ARID1B: variants seen among roughly 807,000 people sequenced by gnomAD.
ARID1B encodes the protein AT-rich interaction domain 1B.
A neutral mutation model predicts 212.3 loss-of-function variants in ARID1B; 30 were observed. The observed-to-expected ratio is 0.14, with a 90% CI of 0.11 to 0.19. The LOEUF (loss-of-function observed/expected upper bound fraction) is 0.19. ARID1B is among the 10% of genes least tolerant of loss of function. The pLI is 1.00. For synonymous variants in ARID1B, 1,402 were observed against 1,301.7 expected (o/e 1.08, Z -1.66); for missense variants, 2,891 against 3,204.0 (o/e 0.90, Z 2.36).
intron 4 of ARID1B, among the ~76,000 whole-genome samples, chr6:157,065,409 T>C (rs1242431605): frequency 6.6e-6 from 1 of 152,244 alleles, no homozygotes; most frequent in East Asian, 1.9e-4. Context: ...GATGATGATA[T>C]TGTGGTTTAT....
At chr6:156,837,420 T>C (rs1333307619) in intron 2 of ARID1B, among the ~76,000 whole-genome samples, 1 of 152,186 alleles carries the variant, frequency 6.6e-6, no homozygotes, top group East Asian at 1.9e-4. Context: ...TGGAAACACG[T>C]TTCAAGATTT....
chr6:156,977,816 T>TCTG (rs555629093), intron 4 of ARID1B, among the ~76,000 whole-genome samples: 6 of 152,310 alleles, frequency 3.9e-5, no homozygotes, highest in African/African-American at 1.4e-4. Context: ...TGAACTTTAG[T>TCTG]CTGGGACCCA....
chr6:157,027,930 G>A (rs1780765555), intron 4 of ARID1B, among the ~76,000 whole-genome samples: 1 of 152,106 alleles, frequency 6.6e-6, no homozygotes, highest in Non-Finnish European at 1.5e-5. Flanking sequence ...ATTTATCCAG[G>A]TATTTTTTAA....
At chr6:157,103,737 A>G (rs1429877855) in intron 5 of ARID1B, among the ~76,000 whole-genome samples, 1 of 152,152 alleles carries the variant, frequency 6.6e-6, no homozygotes, top group Non-Finnish European at 1.5e-5. Context: ...TCTAAAGAAA[A>G]TATTAGCAAA....
chr6:157,161,431 G>GTGTGTGTATATATATATATATATATATA (rs540423195), intron 8 of ARID1B, among the ~76,000 whole-genome samples: 18 of 139,402 alleles, frequency 1.3e-4, no homozygotes, highest in African/African-American at 4.7e-4. Context: ...TTGTGTGTGT[G>GTGTGTGTATATATATATATATATATATA]TATATATATA....
At chr6:157,098,347 G>A (rs55743930) in intron 5 of ARID1B, among the ~76,000 whole-genome samples, 2,001 of 152,224 alleles carry the variant, frequency 0.013, 38 homozygotes, top group African/African-American at 0.044. Context: ...CTATGAATCC[G>A]GACTTCCTGG....
intron 6 of ARID1B, among the ~76,000 whole-genome samples, chr6:157,127,945 G>A (rs1346158440): frequency 6.8e-6 from 1 of 146,072 alleles, no homozygotes; most frequent in Admixed American, 6.8e-5. Flanking sequence ...CTAGGCGACA[G>A]AGCAAGACTT....
chr6:157,129,990 G>C (rs1437986502), intron 6 of ARID1B, among the ~76,000 whole-genome samples: 1 of 152,074 alleles, frequency 6.6e-6, no homozygotes, highest in Non-Finnish European at 1.5e-5. Flanking sequence ...CCAACATGGT[G>C]AAACCCCGTC....
At chr6:156,943,914 A>G (rs1201931656) in intron 4 of ARID1B, 1 of 152,218 alleles carries the variant, frequency 6.6e-6, no homozygotes, top group Non-Finnish European at 1.5e-5. Context: ...TGTATGGAAG[A>G]AACAATTGCT....
At chr6:157,120,832 C>G (rs866495713) in intron 6 of ARID1B, among the ~76,000 whole-genome samples, 1 of 152,156 alleles carries the variant, frequency 6.6e-6, no homozygotes, top group Non-Finnish European at 1.5e-5. Flanking sequence ...TTGTTGGTAT[C>G]CTGACAATGC....
At chr6:156,918,249 T>A (rs547521307) in intron 3 of ARID1B, among the ~76,000 whole-genome samples, 7 of 152,336 alleles carry the variant, frequency 4.6e-5, no homozygotes, top group African/African-American at 1.4e-4. Context: ...CAGTTCCTTA[T>A]ATTGTTGTTA....
At position 157,146,925 on chromosome 6, in the gene ARID1B, G is replaced by A. The variant is rs375904019; in HGVS notation, c.2762-1699G>A. On this transcript the variant is annotated intron_variant, in intron 7 of 19. Coordinates refer to ENST00000636930, the MANE Select transcript of ARID1B (RefSeq NM_001374828.1). ...TTATTGGTCAAATACATGGGTCCCC[G>A]AGCCAGTTTGCTTGAGCTTCAGTAC... Among the ~76,000 whole-genome samples, 89 of 152,240 alleles carry A rather than the reference G, an allele frequency of 5.8e-4. 1 individual carries two copies. In the South Asian group the frequency reaches 0.014, roughly 24 times the overall value.
intron 4 of ARID1B, among the ~76,000 whole-genome samples, chr6:156,974,627 A>C (rs917421372): frequency 6.6e-6 from 1 of 152,258 alleles, no homozygotes; most frequent in African/African-American, 2.4e-5. Flanking sequence ...AAGTGTAGGC[A>C]TAGAAAAATC....
At chr6:156,991,907 C>G (rs917656151) in intron 4 of ARID1B, among the ~76,000 whole-genome samples, 1 of 152,062 alleles carries the variant, frequency 6.6e-6, no homozygotes, top group African/African-American at 2.4e-5. Context: ...AATTTTTAAT[C>G]TTGAAAATTA....
At chr6:157,018,371 A>G (rs1460470082) in intron 4 of ARID1B, among the ~76,000 whole-genome samples, 1 of 151,962 alleles carries the variant, frequency 6.6e-6, no homozygotes, top group Non-Finnish European at 1.5e-5. Flanking sequence ...ATGTGCCACT[A>G]CACCCAGCTA....
chr6:157,063,601 C>T (rs1035217078), intron 4 of ARID1B, among the ~76,000 whole-genome samples: 2 of 152,250 alleles, frequency 1.3e-5, no homozygotes. Flanking sequence ...ACTTCTCAGG[C>T]ACATGTGAGT....
intron 8 of ARID1B, among the ~76,000 whole-genome samples, chr6:157,164,158 G>C (rs1226728920): frequency 6.6e-6 from 1 of 152,168 alleles, no homozygotes; most frequent in Non-Finnish European, 1.5e-5. Flanking sequence ...CAAAGGACCA[G>C]AGCTCCCAGA....
chr6:156,807,047 G>C (rs1221825519), intron 1 of ARID1B, among the ~76,000 whole-genome samples: 1 of 152,162 alleles, frequency 6.6e-6, no homozygotes, highest in Non-Finnish European at 1.5e-5. Context: ...CAAAAACCAA[G>C]CGGTGGACCA....
At chr6:157,116,919 C>T (rs1392837014) in intron 6 of ARID1B, among the ~76,000 whole-genome samples, 6 of 151,970 alleles carry the variant, frequency 3.9e-5, no homozygotes, top group Admixed American at 1.3e-4. Context: ...GTGAGCTGGG[C>T]GAGTTGTGTA....
Sources: allele counts gnomAD v4.1 joint callset (sites outside exome capture counted in the v4.1 genomes callset), GRCh38; gene constraint gnomAD v4.1.1; transcripts MANE v1.5; gene names NCBI Gene and HGNC (gene_info 2026-07-23, HGNC 2026-07-21).